FRMD5: variants seen among roughly 807,000 people sequenced by gnomAD.
FRMD5 encodes the protein FERM domain-containing protein 5.
A neutral mutation model predicts 69.0 loss-of-function variants in FRMD5; 20 were observed. That is an observed-to-expected ratio of 0.29 (90% CI 0.20 to 0.42). The LOEUF is 0.42. Ranked by LOEUF, FRMD5 falls within the 10% of genes least tolerant of loss-of-function variation. FRMD5 has a pLI of 1.00. For missense variants in FRMD5, 595 were observed against 708.6 expected, an observed-to-expected ratio of 0.84 and a Z score of 1.82; for synonymous variants, 271 against 260.1, an observed-to-expected ratio of 1.04 and a Z score of -0.40.
At chr15:44,030,193 A>AT (rs761170480) in intron 1 of FRMD5, among the ~76,000 whole-genome samples, 388 of 148,774 alleles carry the variant, frequency 2.6e-3, no homozygotes, top group East Asian at 7.2e-3. Context: ...TACAACACTG[A>AT]TTTTTTTTTT....
chr15:43,976,830 CTTTT>C, intron 1 of FRMD5, among the ~76,000 whole-genome samples: 2 of 144,170 alleles, frequency 1.4e-5, no homozygotes, highest in Middle Eastern at 7.3e-3. Flanking sequence ...CCATGACCAA[CTTTT>C]TTTTTTTTTT....
intron 1 of FRMD5, among the ~76,000 whole-genome samples, chr15:44,095,284 C>T (rs1344989157): frequency 6.6e-6 from 1 of 151,766 alleles, no homozygotes; most frequent in Non-Finnish European, 1.5e-5. Flanking sequence ...TTCACTGCAC[C>T]CTCAATCTCC....
intron 7 of FRMD5, 186 bp downstream of exon 7, chr15:43,901,989 C>T: frequency 1.7e-6 from 1 of 572,834 alleles, no homozygotes; most frequent in Admixed American, 3.2e-5. Flanking sequence ...ATTGATGTGG[C>T]ACCACAAAAT....
chr15:43,950,841 CT>C, intron 1 of FRMD5, among the ~76,000 whole-genome samples: 1 of 152,332 alleles, frequency 6.6e-6, no homozygotes, highest in South Asian at 2.1e-4. Flanking sequence ...AATGCTTCCC[CT>C]GCCATCATTT....
intron 1 of FRMD5, among the ~76,000 whole-genome samples, chr15:44,189,490 CTTTT>C (rs762693920): frequency 7.4e-6 from 1 of 135,002 alleles, no homozygotes; most frequent in Non-Finnish European, 1.6e-5. Flanking sequence ...AAAGTCAAGA[CTTTT>C]TTTTTTTTTT....
chr15:44,046,578 T>C (rs1892437466), intron 1 of FRMD5, among the ~76,000 whole-genome samples: 1 of 152,246 alleles, frequency 6.6e-6, no homozygotes, highest in Non-Finnish European at 1.5e-5. Context: ...TAAATTTCAA[T>C]CTTCCTTCAC....
At chr15:44,121,671 A>G (rs1169963425) in intron 1 of FRMD5, among the ~76,000 whole-genome samples, 1 of 151,902 alleles carries the variant, frequency 6.6e-6, no homozygotes, top group Non-Finnish European at 1.5e-5. Context: ...ACAAAAACAA[A>G]AACAAAAAAA....
intron 1 of FRMD5, among the ~76,000 whole-genome samples, chr15:44,047,634 A>G (rs1210198361): frequency 6.6e-6 from 1 of 152,220 alleles, no homozygotes; most frequent in African/African-American, 2.4e-5. Flanking sequence ...GTGATTTTTG[A>G]TATGTTTACA....
intron 8 of FRMD5, among the ~76,000 whole-genome samples, chr15:43,891,397 C>A (rs1019883294): frequency 2.0e-5 from 3 of 152,006 alleles, no homozygotes; most frequent in African/African-American, 7.3e-5. Context: ...GAATATGACT[C>A]CTGGAAGCTG....
At chr15:44,160,294 T>G (rs2077595159) in intron 1 of FRMD5, among the ~76,000 whole-genome samples, 1 of 152,236 alleles carries the variant, frequency 6.6e-6, no homozygotes, top group Non-Finnish European at 1.5e-5. Flanking sequence ...AAGCAGAGGT[T>G]GCAGTGAGCC....
At chr15:44,063,255 A>G (rs1893169811) in intron 1 of FRMD5, among the ~76,000 whole-genome samples, 1 of 152,208 alleles carries the variant, frequency 6.6e-6, no homozygotes, top group African/African-American at 2.4e-5. Flanking sequence ...TTTAAAAGAC[A>G]TAGGACTACT....
intron 1 of FRMD5, among the ~76,000 whole-genome samples, chr15:44,184,345 G>A (rs1355318512): frequency 2.0e-5 from 3 of 152,140 alleles, no homozygotes; most frequent in Non-Finnish European, 4.4e-5. Context: ...TACCAATCCA[G>A]CTAAAGCCCA....
At chr15:44,198,494 A>C (rs1024773601), upstream of FRMD5, among the ~76,000 whole-genome samples, 2 of 152,208 alleles carry the variant, frequency 1.3e-5, no homozygotes, top group African/African-American at 4.8e-5. Flanking sequence ...ACAGAGAATG[A>C]AAAAATAATG....
chr15:44,020,313 C>A (rs1891158659), intron 1 of FRMD5, among the ~76,000 whole-genome samples: 1 of 152,034 alleles, frequency 6.6e-6, no homozygotes, highest in African/African-American at 2.4e-5. Context: ...CTTCCCTCAC[C>A]CCAGTATTGT....
chr15:44,144,399 A>T (rs559827651), intron 1 of FRMD5, among the ~76,000 whole-genome samples: 1 of 152,276 alleles, frequency 6.6e-6, no homozygotes, highest in South Asian at 2.1e-4. Flanking sequence ...CTAGGCATGG[A>T]TAGTGGGTAG....
At chr15:43,909,113 G>T (rs964206949) in intron 5 of FRMD5, among the ~76,000 whole-genome samples, 1 of 152,072 alleles carries the variant, frequency 6.6e-6, no homozygotes, top group Non-Finnish European at 1.5e-5. Flanking sequence ...CCTCTAACTT[G>T]GCTGGGTGTG....
chr15:44,090,681 C>A (rs948222286), intron 1 of FRMD5, among the ~76,000 whole-genome samples: 1 of 152,010 alleles, frequency 6.6e-6, no homozygotes, highest in African/African-American at 2.4e-5. Context: ...CTCAGGTGAT[C>A]CGCCCGCCTC....
chr15:43,992,599 A>T (rs982166151), intron 1 of FRMD5, among the ~76,000 whole-genome samples: 9 of 152,148 alleles, frequency 5.9e-5, no homozygotes, highest in African/African-American at 2.2e-4. Context: ...ACTGGTCTCG[A>T]ACTCCTGATC....
intron 1 of FRMD5, among the ~76,000 whole-genome samples, chr15:43,982,249 G>A (rs950859832): frequency 3.9e-5 from 6 of 152,212 alleles, no homozygotes; most frequent in African/African-American, 1.4e-4. Flanking sequence ...TGTCTTTGGT[G>A]TTGAACTCAT....
Sources: allele counts gnomAD v4.1 joint callset (sites outside exome capture counted in the v4.1 genomes callset), GRCh38; gene constraint gnomAD v4.1.1; transcripts MANE v1.5; gene names NCBI Gene and HGNC (gene_info 2026-07-23, HGNC 2026-07-21).